Variants in NEBL observed in about 807,000 individuals in gnomAD.
NEBL encodes LIM and SH3 protein 2.
A neutral mutation model predicts 140.2 loss-of-function variants in NEBL; 122 were observed. That is an observed-to-expected ratio of 0.87 (90% CI 0.75 to 1.01). The LOEUF (loss-of-function observed/expected upper bound fraction) is 1.01, where lower values mean the gene tolerates loss of function less well. NEBL is among the 50% of genes least tolerant of loss of function. The probability of loss-of-function intolerance (pLI) is 0.00; values close to 1 mark genes in which losing one functional copy is unlikely to be tolerated. For synonymous variants in NEBL, 436 were observed against 398.9 expected, an observed-to-expected ratio of 1.09 and a Z score of -1.11; for missense variants, 1,365 against 1,231.3, an observed-to-expected ratio of 1.11 and a Z score of -1.62.
chr10:21,068,107 A>G (rs1227677854), intron 2 of NEBL, among the ~76,000 whole-genome samples: 1 of 152,154 alleles, frequency 6.6e-6, no homozygotes, highest in African/African-American at 2.4e-5. Flanking sequence ...GGTGGGAAAA[A>G]AGGCTAGGAG....
chr10:20,951,710 T>C (rs1835475632), intron 4 of NEBL, among the ~76,000 whole-genome samples: 1 of 152,210 alleles, frequency 6.6e-6, no homozygotes. Context: ...TTATATGGCC[T>C]AATTATTAAT....
At chr10:21,209,902 C>T (rs192971161) in intron 3 of NEBL, among the ~76,000 whole-genome samples, 38 of 152,128 alleles carry the variant, frequency 2.5e-4, no homozygotes, top group Non-Finnish European at 4.7e-4. Context: ...ACTGGTGTCA[C>T]GCTTGTCAGG....
At chr10:21,192,237 G>T (rs1841585510) in intron 3 of NEBL, among the ~76,000 whole-genome samples, 2 of 151,158 alleles carry the variant, frequency 1.3e-5, no homozygotes, top group Admixed American at 6.6e-5. Flanking sequence ...TGTCACCCAG[G>T]CTGGGGTGCA....
intron 2 of NEBL, chr10:21,170,537 C>T (rs957906945): frequency 2.6e-5 from 4 of 152,314 alleles, no homozygotes; most frequent in African/African-American, 9.6e-5. Flanking sequence ...GGAAGGGAAG[C>T]AGGAAATCAT....
intron 2 of NEBL, among the ~76,000 whole-genome samples, chr10:21,067,524 T>C (rs1435663190): frequency 2.0e-5 from 3 of 152,108 alleles, no homozygotes; most frequent in Admixed American, 1.3e-4. Context: ...AACAGTTATG[T>C]ATGCCAAAAA....
In NEBL at chr10:20,822,958, C is replaced by T. The variant is rs140434528; in HGVS notation, c.1962+250G>A. On this transcript the variant is annotated intron_variant, in intron 19 of 27. Transcript: ENST00000377122. ...CTCACCCTCCTACCTTTTGGAGTCT[C>T]CAATGTCTATGATTCCACTCTGTAT... Among the ~76,000 whole-genome samples, 1,040 of 152,186 alleles carry T rather than the reference C, an allele frequency of 6.8e-3. 11 individuals are homozygous for T. Among genetic ancestry groups the T allele is most frequent in the African/African-American group, 0.024 (982 of 41,534 alleles).
chr10:20,819,375 A>C, intron 20 of NEBL, 49 bp downstream of exon 20: 1 of 1,613,078 alleles, frequency 6.2e-7, no homozygotes, highest in Non-Finnish European at 8.5e-7. Context: ...TTTTTAAATA[A>C]AAATATGTTA....
chr10:20,796,251 T>C (rs774734152), intron 26 of NEBL, among the ~76,000 whole-genome samples: 4 of 151,260 alleles, frequency 2.6e-5, no homozygotes, highest in Non-Finnish European at 4.4e-5. Context: ...TTATCCCAGC[T>C]TCTCAGGAGG....
At chr10:20,967,217 T>A (rs1183609114) in intron 3 of NEBL, among the ~76,000 whole-genome samples, 1 of 152,070 alleles carries the variant, frequency 6.6e-6, no homozygotes, top group African/African-American at 2.4e-5. Context: ...TAAATATCCA[T>A]CCACATGAGA....
intron 1 of NEBL, among the ~76,000 whole-genome samples, chr10:21,273,964 G>A (rs1021451593): frequency 3.3e-5 from 5 of 152,162 alleles, no homozygotes; most frequent in African/African-American, 1.2e-4. Flanking sequence ...GCTCCAAGGA[G>A]ACCCATCTTT....
rs202241931 is a variant in NEBL at position 21,255,768 on chromosome 10, T to C, written n.183-3940A>G. Among the ~76,000 whole-genome samples the C allele has an allele frequency of 2.2e-3, 333 of 152,036 alleles. 3 individuals are homozygous for C. In the East Asian group the frequency reaches 0.033, roughly 15 times the overall value. On this transcript the variant is annotated intron_variant and non_coding_transcript_variant, in intron 1 of 8. Transcript: ENST00000675702. ...ATCCCAACACTTTGGGAGGCCAAGG[T>C]GGGCAGATCACGAGGTCAGGAGATC...
intron 3 of NEBL, among the ~76,000 whole-genome samples, chr10:21,187,942 G>C (rs900354625): frequency 6.6e-5 from 10 of 152,182 alleles, no homozygotes; most frequent in African/African-American, 9.7e-5. Context: ...GCTCCTGGAA[G>C]TAAAACTCGC....
intron 1 of NEBL, among the ~76,000 whole-genome samples, chr10:21,276,643 T>C (rs1842928350): frequency 1.3e-5 from 2 of 152,008 alleles, no homozygotes; most frequent in Non-Finnish European, 1.5e-5. Flanking sequence ...CTGAGCAATA[T>C]GTCAAAACCC....
intron 2 of NEBL, among the ~76,000 whole-genome samples, chr10:21,122,563 C>A (rs557213541): frequency 6.6e-6 from 1 of 152,074 alleles, no homozygotes; most frequent in Non-Finnish European, 1.5e-5. Context: ...TAAAGATGTA[C>A]AGATATGCAG....
At chr10:20,824,393 G>A (rs79935982) in intron 18 of NEBL, among the ~76,000 whole-genome samples, 4 of 152,278 alleles carry the variant, frequency 2.6e-5, no homozygotes, top group Non-Finnish European at 4.4e-5. Context: ...TGGATTTCAT[G>A]TAAGTAACAA....
intron 2 of NEBL, among the ~76,000 whole-genome samples, chr10:21,125,176 G>C (rs1838762464): frequency 6.6e-6 from 1 of 151,976 alleles, no homozygotes; most frequent in Non-Finnish European, 1.5e-5. Context: ...GAATTCCAGA[G>C]TCTCTAGAAG....
At chr10:21,111,284 A>C (rs1169433776) in intron 2 of NEBL, among the ~76,000 whole-genome samples, 4 of 152,172 alleles carry the variant, frequency 2.6e-5, no homozygotes, top group Non-Finnish European at 4.4e-5. Flanking sequence ...CCACAGAGCC[A>C]AGATAATCCT....
At chr10:21,011,969 C>A (rs1838358195) in intron 3 of NEBL, among the ~76,000 whole-genome samples, 1 of 152,216 alleles carries the variant, frequency 6.6e-6, no homozygotes, top group African/African-American at 2.4e-5. Context: ...AACCCACATT[C>A]TTACTTTGCC....
At chr10:21,286,260 C>T (rs933212889) in intron 1 of NEBL, among the ~76,000 whole-genome samples, 43 of 152,186 alleles carry the variant, frequency 2.8e-4, no homozygotes, top group African/African-American at 9.4e-4. Context: ...ACAGAAAATA[C>T]TTGCCATTTC....
Sources: allele counts gnomAD v4.1 joint callset (sites outside exome capture counted in the v4.1 genomes callset), GRCh38; gene constraint gnomAD v4.1.1; transcripts MANE v1.5; gene names NCBI Gene and HGNC (gene_info 2026-07-23, HGNC 2026-07-21).